The following NEK7 variants were observed in gnomAD, a reference collection of about 807,000 sequenced individuals.
NEK7 encodes NIMA related kinase 7, also known as serine/threonine-protein kinase Nek7.
In NEK7, 18 loss-of-function variants were observed where a neutral mutation model predicts 44.6. That is an observed-to-expected ratio of 0.40 (90% CI 0.28 to 0.60). The LOEUF is 0.60. Ranked by LOEUF, NEK7 falls within the 20% of genes least tolerant of loss-of-function variation. NEK7 has a pLI of 0.38. For missense variants in NEK7, 256 were observed against 366.5 expected, an observed-to-expected ratio of 0.70 and a Z score of 2.46; for synonymous variants, 130 against 121.1, an observed-to-expected ratio of 1.07 and a Z score of -0.48.
intron 5 of NEK7, among the ~76,000 whole-genome samples, chr1:198,275,558 C>A (rs375900916): frequency 6.7e-6 from 1 of 149,596 alleles, no homozygotes; most frequent in South Asian, 2.1e-4. Flanking sequence ...TCAAGGGAAA[C>A]AGGATTTTCA....
At chr1:198,216,282 A>G (rs1313298023) in intron 1 of NEK7, among the ~76,000 whole-genome samples, 6 of 152,080 alleles carry the variant, frequency 3.9e-5, no homozygotes, top group Non-Finnish European at 8.8e-5. Flanking sequence ...AGAGGGAACC[A>G]TCAAAACTGT....
intron 3 of NEK7, among the ~76,000 whole-genome samples, chr1:198,256,797 G>A (rs1282249460): frequency 6.6e-6 from 1 of 152,162 alleles, no homozygotes; most frequent in African/African-American, 2.4e-5. Context: ...TAGGAAAGAG[G>A]CTTCACAGAG....
chr1:198,160,488 G>T (rs114641594), intron 1 of NEK7, among the ~76,000 whole-genome samples: 2 of 152,228 alleles, frequency 1.3e-5, no homozygotes, highest in East Asian at 3.9e-4. Flanking sequence ...AACTACGAGG[G>T]TAGGTATTTC....
At chr1:198,284,273 T>C (rs1654302028) in intron 7 of NEK7, among the ~76,000 whole-genome samples, 1 of 152,210 alleles carries the variant, frequency 6.6e-6, no homozygotes, top group South Asian at 2.1e-4. Flanking sequence ...TTTTTCATTA[T>C]GTCAGTTCCT....
chr1:198,290,396 T>A (rs1654516294), intron 7 of NEK7, among the ~76,000 whole-genome samples: 1 of 152,230 alleles, frequency 6.6e-6, no homozygotes. Context: ...AATTTTGAAA[T>A]GTTGAAAACA....
intron 8 of NEK7, 126 bp from the exon 9 acceptor site, chr1:198,297,001 C>A: frequency 1.7e-6 from 1 of 573,594 alleles, no homozygotes; most frequent in Non-Finnish European, 2.9e-6. Context: ...TCATAAAAAT[C>A]AAAATGCCCA....
Position 198,253,060 on chromosome 1 carries a change from G to A in NEK7, c.78G>A (p.Met26Ile). ...FQPQKALRPD[M>I]GYNTLANFRI... ...TACAGAAGGCCTTACGACCGGATATGGGCTATAATACATTAGCCAACTTTC... is the reference window on the plus strand; with the variant it reads ...TACAGAAGGCCTTACGACCGGATATAGGCTATAATACATTAGCCAACTTTC... Residue 26 changes from methionine to isoleucine, a missense_variant, in exon 3 of 10, where the codon ATG (methionine) becomes ATA (isoleucine). This residue lies in a region of NEK7 where 96 missense variants were observed against 94.9 expected (regional missense o/e 1.01). Transcript: ENST00000367385. 6.2e-7 allele frequency: 1 copy of A among 1,610,092 alleles called. No homozygotes were observed. The highest frequency in any genetic ancestry group is 8.5e-7 in the Non-Finnish European group (1 of 1,177,698).
chr1:198,260,788 G>T (rs1343152198), intron 3 of NEK7, among the ~76,000 whole-genome samples: 1 of 151,952 alleles, frequency 6.6e-6, no homozygotes, highest in African/African-American at 2.4e-5. Flanking sequence ...CCAAAATAAT[G>T]TTAGTGAAAA....
At chr1:198,296,324 C>G (rs985472358) in intron 8 of NEK7, among the ~76,000 whole-genome samples, 1 of 152,106 alleles carries the variant, frequency 6.6e-6, no homozygotes, top group Non-Finnish European at 1.5e-5. Flanking sequence ...GAACAGGATG[C>G]GAACATTTTA....
In NEK7 at chr1:198,262,630, T is replaced by A. The variant is rs780971977; in HGVS notation, c.254T>A (p.Leu85His). Residue 85 changes from leucine to histidine, a missense_variant, in exon 4 of 10, where the codon CTT becomes CAT. By Grantham distance (99) the Leu-to-His change is moderately conservative (BLOSUM62 -3). Transcript: ENST00000367385. ...GCTGATTGCATCAAAGAAATAGATC[T>A]TCTTAAGGTAATTAATGAACTGTTG... is the stretch of plus-strand genomic sequence containing the variant. ...ARADCIKEID[L>H]LKQLNHPNVI... 6.3e-7 allele frequency: 1 copy of A among 1,578,030 alleles called. No individual in the cohort carries two copies. Among genetic ancestry groups the A allele is most frequent in the Non-Finnish European group, 8.7e-7 (1 of 1,153,446 alleles).
intron 9 of NEK7, among the ~76,000 whole-genome samples, chr1:198,304,772 A>G (rs1326717685): frequency 6.6e-6 from 1 of 152,116 alleles, no homozygotes; most frequent in Non-Finnish European, 1.5e-5. Context: ...ATGTATTAGT[A>G]TTTTCTCTAC....
intron 9 of NEK7, among the ~76,000 whole-genome samples, chr1:198,316,116 C>A (rs547973774): frequency 6.6e-6 from 1 of 152,024 alleles, no homozygotes; most frequent in Non-Finnish European, 1.5e-5. Flanking sequence ...AGGTCTAGGC[C>A]GGAATTGAAT....
chr1:198,174,649 C>T (rs1664550791), intron 1 of NEK7, among the ~76,000 whole-genome samples: 1 of 152,128 alleles, frequency 6.6e-6, no homozygotes, highest in Non-Finnish European at 1.5e-5. Flanking sequence ...TAGAGTCAGT[C>T]ATTGCTTTAC....
intron 1 of NEK7, among the ~76,000 whole-genome samples, chr1:198,163,553 A>C (rs1043141863): frequency 6.6e-6 from 1 of 152,170 alleles, no homozygotes; most frequent in Admixed American, 6.5e-5. Context: ...AGACACCTAG[A>C]ATAGGTCATT....
chr1:198,315,013 C>T (rs948269001), intron 9 of NEK7, among the ~76,000 whole-genome samples: 4 of 152,188 alleles, frequency 2.6e-5, no homozygotes, highest in Admixed American at 6.5e-5. Flanking sequence ...TGGGCAATGG[C>T]GGGCGCCCCT....
At chr1:198,301,531 C>T (rs1353013407) in intron 9 of NEK7, among the ~76,000 whole-genome samples, 2 of 152,214 alleles carry the variant, frequency 1.3e-5, no homozygotes, top group Non-Finnish European at 2.9e-5. Flanking sequence ...GCCTGGGCGA[C>T]AGAGCAAGAC....
At chr1:198,237,635 T>A (rs572449584) in intron 2 of NEK7, among the ~76,000 whole-genome samples, 1 of 152,356 alleles carries the variant, frequency 6.6e-6, no homozygotes, top group South Asian at 2.1e-4. Flanking sequence ...AGTTACTTAA[T>A]CTTTCACCTA....
intron 1 of NEK7, among the ~76,000 whole-genome samples, chr1:198,164,253 G>A (rs1664198279): frequency 6.6e-6 from 1 of 152,192 alleles, no homozygotes; most frequent in African/African-American, 2.4e-5. Flanking sequence ...CCAGCAGAAT[G>A]TCCCAGTACC....
At chr1:198,229,607 G>A (rs1666328565) in intron 1 of NEK7, among the ~76,000 whole-genome samples, 1 of 152,186 alleles carries the variant, frequency 6.6e-6, no homozygotes. Context: ...GTCCACTGCA[G>A]AACTGATTAT....
Sources: gnomAD v4.1 joint callset for allele counts (sites outside exome capture counted in the v4.1 genomes callset) on GRCh38, gnomAD v4.1.1 for gene constraint, gnomAD v4.1.1 regional missense constraint, MANE v1.5 for transcripts, NCBI Gene and HGNC (gene_info 2026-07-23, HGNC 2026-07-21) for gene names.